SPNS3: variants seen among roughly 807,000 people sequenced by gnomAD.
SPNS3 encodes the protein protein spinster homolog 3.
In SPNS3, 51 loss-of-function variants were observed where a neutral mutation model predicts 54.4. The observed-to-expected ratio is 0.94, with a 90% confidence interval of 0.75 to 1.18. The LOEUF is 1.18. Ranked by LOEUF, SPNS3 falls within the 50% of genes most tolerant of loss-of-function variation. SPNS3 has a pLI of 0.00. For synonymous variants in SPNS3, 309 were observed against 294.7 expected, an observed-to-expected ratio of 1.05 and a Z score of -0.50; for missense variants, 669 against 677.4, an observed-to-expected ratio of 0.99 and a Z score of 0.14.
At position 4,486,713 on chromosome 17, in the gene SPNS3, T is replaced by C; in HGVS notation, c.1450+130T>C. ...AGAAATGCTTAGTACACCCCTGCTA[T>C]GTACCAGGGAAGGTTGCAGATGCTG... On this transcript the variant is annotated intron_variant, in intron 11 of 11. Coordinates refer to ENST00000355530, the MANE Select transcript of SPNS3 (RefSeq NM_182538.5). The surrounding 1 kb of genome is among the most constrained non-coding windows in gnomAD (Gnocchi z 5.5). 4 of 982,054 alleles carry C rather than the reference T, an allele frequency of 4.1e-6. No individual in the cohort carries two copies. Among genetic ancestry groups the C allele is most frequent in the Non-Finnish European group, 5.8e-6 (4 of 688,616 alleles). 60.8% of individuals were successfully genotyped at this position (982,054 alleles called of 1,614,324 possible).
At chr17:4,442,245 T>C (rs1490152515) in intron 2 of SPNS3, among the ~76,000 whole-genome samples, 4 of 151,638 alleles carry the variant, frequency 2.6e-5, no homozygotes, top group Admixed American at 1.3e-4. Context: ...GTTGAAGAGA[T>C]AGAGGGGTTG....
chr17:4,484,860 TA>T (rs1972267761), intron 9 of SPNS3, among the ~76,000 whole-genome samples: 1 of 152,070 alleles, frequency 6.6e-6, no homozygotes, highest in Admixed American at 6.6e-5. Flanking sequence ...AACTTTCAGC[TA>T]GTCCCCTCTG....
At chr17:4,442,979 G>A (rs571091496) in intron 2 of SPNS3, among the ~76,000 whole-genome samples, 68 of 152,290 alleles carry the variant, frequency 4.5e-4, no homozygotes, top group African/African-American at 1.6e-3. Flanking sequence ...TTCACAGAGC[G>A]TCTGCAGGTT....
intron 11 of SPNS3, among the ~76,000 whole-genome samples, 167 bp from the exon 12 acceptor site, chr17:4,487,639 C>A (rs1346399307): frequency 1.3e-5 from 2 of 152,232 alleles, no homozygotes; most frequent in East Asian, 3.9e-4. Context: ...GAGAGTGGTG[C>A]CTAGACCACG....
At chr17:4,473,493 T>G (rs946099009) in intron 8 of SPNS3, among the ~76,000 whole-genome samples, 1 of 151,806 alleles carries the variant, frequency 6.6e-6, no homozygotes, top group Non-Finnish European at 1.5e-5. Context: ...GCACAAGTGA[T>G]TCTTGTGCTT....
At chr17:4,467,140 G>A (rs961304067) in intron 8 of SPNS3, among the ~76,000 whole-genome samples, 6 of 152,114 alleles carry the variant, frequency 3.9e-5, no homozygotes, top group Non-Finnish European at 8.8e-5. Flanking sequence ...CAGCAGAGGC[G>A]ATGAAGTCAG....
intron 8 of SPNS3, among the ~76,000 whole-genome samples, chr17:4,463,271 C>T (rs941728286): frequency 1.3e-5 from 2 of 151,298 alleles, no homozygotes; most frequent in South Asian, 2.1e-4. Flanking sequence ...GGTGGTGGCA[C>T]CTGTAATCCC....
rs779176728 is a variant in SPNS3, at chr17:4,446,150, C to G, written c.505C>G (p.Gln169Glu). Residue 169 changes from glutamine to glutamate, a missense_variant, in exon 4 of 12, where the codon CAG (glutamine) becomes GAG (glutamate). Gln to Glu is a conservative substitution (Grantham distance 29, BLOSUM62 2). Coordinates refer to ENST00000355530, the MANE Select transcript of SPNS3 (RefSeq NM_182538.5). ...CCTGGGCGACCTCTTCGTGAGGGAC[C>G]AGCGCACCCGCGTGCTGGCTGTCTT... ...TVLGDLFVRD[Q>E]RTRVLAVFYI... 1 of 1,613,562 alleles carries G rather than the reference C, an allele frequency of 6.2e-7. No individual in the cohort carries two copies.
At position 4,452,999 on chromosome 17, in the gene SPNS3, G is replaced by A. The variant is rs1321066141; in HGVS notation, c.924-17G>A. The A allele has an allele frequency of 6.2e-7, 1 of 1,609,274 alleles. No individual in the cohort carries two copies. Among genetic ancestry groups the A allele is most frequent in the Non-Finnish European group, 8.5e-7 (1 of 1,177,236 alleles). On this transcript the variant is annotated splice_polypyrimidine_tract_variant and intron_variant, in intron 7 of 11. Transcript: ENST00000355530. ...GCTCACCCAGCTGACCAACCCTTCT[G>A]TGCTCTTCCCCATCAGCCTGATTTT...
At chr17:4,434,323 A>G (rs1020288114) in intron 1 of SPNS3, among the ~76,000 whole-genome samples, 157 bp downstream of exon 1, 1 of 152,116 alleles carries the variant, frequency 6.6e-6, no homozygotes, top group African/African-American at 2.4e-5. Context: ...GCTGTGCTCG[A>G]ATCGGGGAGG....
chr17:4,445,776 G>A (rs1970968911), intron 3 of SPNS3, among the ~76,000 whole-genome samples: 4 of 152,030 alleles, frequency 2.6e-5, no homozygotes, highest in African/African-American at 7.2e-5. Context: ...GGGGCTGGGG[G>A]TAACAGCTGC....
intron 8 of SPNS3, among the ~76,000 whole-genome samples, chr17:4,467,734 C>T (rs1971721474): frequency 6.6e-6 from 1 of 151,938 alleles, no homozygotes; most frequent in Admixed American, 6.6e-5. Context: ...GGTGTGATCT[C>T]GGCTCACTGC....
intron 7 of SPNS3, among the ~76,000 whole-genome samples, chr17:4,451,529 T>A (rs1257016603): frequency 6.6e-6 from 1 of 152,068 alleles, no homozygotes. Flanking sequence ...TCCCGCAGAG[T>A]CATCAGTGCT....
chr17:4,435,865 G>A (rs1407795498), intron 1 of SPNS3, among the ~76,000 whole-genome samples: 1 of 152,188 alleles, frequency 6.6e-6, no homozygotes, highest in Non-Finnish European at 1.5e-5. Context: ...CCGGGAGGCG[G>A]AGGTTGCGGT....
rs397837193 is a variant in SPNS3 at position 4,477,970 on chromosome 17, C to CTTTTTTTTTTTTTTTTT, written c.1114-599_1114-583dup. ...AAAGTCTGTTTTTTTTTCACTTTTC[C>CTTTTTTTTTTTTTTTTT]TTTTTTTTTTTTTTTTTTTGAGGCG... On this transcript the variant is annotated intron_variant, in intron 8 of 11. Coordinates refer to ENST00000355530, the MANE Select transcript of SPNS3 (RefSeq NM_182538.5). Among the ~76,000 whole-genome samples, 63 of 97,620 alleles carry CTTTTTTTTTTTTTTTTT rather than the reference C, an allele frequency of 6.5e-4. 2 individuals are homozygous for CTTTTTTTTTTTTTTTTT. The highest frequency in any genetic ancestry group is 7.5e-4 in the Non-Finnish European group (40 of 53,646). The allele number at this position is 97,620 out of a possible 152,430, so 64.0% of individuals were successfully genotyped here. A position where few individuals can be genotyped will look rare whatever the true frequency, so the allele number is the denominator to read the frequency against.
chr17:4,450,354 C>CCCTCTCCCCTTCTCT (rs1971128874), intron 7 of SPNS3, among the ~76,000 whole-genome samples: 5 of 122,194 alleles, frequency 4.1e-5, no homozygotes, highest in African/African-American at 6.5e-5. Context: ...CCTCTCCCCT[C>CCCTCTCCCCTTCTCT]CTCTCTCTCT....
At chr17:4,443,221 C>T (rs1970898970) in intron 2 of SPNS3, among the ~76,000 whole-genome samples, 1 of 152,160 alleles carries the variant, frequency 6.6e-6, no homozygotes, top group Admixed American at 6.5e-5. Flanking sequence ...CAGGCGCCCG[C>T]CACCATGCTC....
chr17:4,455,464 G>A (rs1483896067), intron 8 of SPNS3, among the ~76,000 whole-genome samples: 2 of 152,234 alleles, frequency 1.3e-5, no homozygotes, highest in Non-Finnish European at 2.9e-5. Context: ...GAGGCGGGGT[G>A]TGGGGGGTAC....
intron 3 of SPNS3, 28 bp from the exon 4 acceptor site, chr17:4,446,020 C>T (rs1970975744): frequency 6.3e-7 from 1 of 1,578,088 alleles, no homozygotes; most frequent in South Asian, 1.1e-5. Context: ...TTCTGGAACT[C>T]ACCGTGGTCT....
Sources: gnomAD v4.1 joint callset for allele counts (sites outside exome capture counted in the v4.1 genomes callset) on GRCh38, gnomAD v4.1.1 for gene constraint, Gnocchi (gnomAD v3.1) non-coding constraint, MANE v1.5 for transcripts, NCBI Gene and HGNC (gene_info 2026-07-23, HGNC 2026-07-21) for gene names.